Variants in TBCK observed in about 807,000 individuals in gnomAD.
TBCK encodes TBC1 domain containing kinase.
A neutral mutation model predicts 113.4 loss-of-function variants in TBCK; 99 were observed. The ratio of observed to expected loss-of-function variants is 0.87; its 90% CI spans 0.74 to 1.03. The LOEUF (loss-of-function observed/expected upper bound fraction) is 1.03. TBCK is among the 50% of genes least tolerant of loss of function. The pLI is 0.00. For missense variants in TBCK, 1,045 were observed against 1,061.3 expected (o/e 0.98, Z 0.21); for synonymous variants, 369 against 370.8 (o/e 1.00, Z 0.05).
At chr4:106,052,119 T>G (rs1734877516) in intron 25 of TBCK, among the ~76,000 whole-genome samples, 1 of 151,872 alleles carries the variant, frequency 6.6e-6, no homozygotes, top group South Asian at 2.1e-4. Flanking sequence ...TTAATAGCAT[T>G]ATATAAGGTA....
chr4:106,162,064 G>C (rs889905974), intron 23 of TBCK, among the ~76,000 whole-genome samples: 6 of 152,002 alleles, frequency 3.9e-5, no homozygotes, highest in African/African-American at 1.2e-4. Flanking sequence ...AAAATCAAAA[G>C]CAAGTTAGTT....
chr4:106,299,424 C>A (rs1766683295), intron 2 of TBCK, among the ~76,000 whole-genome samples: 1 of 152,134 alleles, frequency 6.6e-6, no homozygotes, highest in African/African-American at 2.4e-5. Flanking sequence ...ATTCATAATT[C>A]TTCATATCTA....
intron 19 of TBCK, among the ~76,000 whole-genome samples, chr4:106,226,320 G>T (rs1268432345): frequency 2.6e-5 from 4 of 152,144 alleles, no homozygotes; most frequent in African/African-American, 9.7e-5. Flanking sequence ...TTTTGTAACA[G>T]GCATCTAGAA....
Position 106,247,127 on chromosome 4 carries a change from A to G in TBCK, c.931+12T>C, listed in dbSNP as rs777108694. 2 of 1,603,918 alleles carry G rather than the reference A, an allele frequency of 1.2e-6. No individual in the cohort carries two copies. The highest frequency in any genetic ancestry group is 2.7e-5 in the African/African-American group (2 of 74,258). On this transcript the variant is annotated intron_variant, in intron 10 of 25. Transcript: ENST00000394708. Reference sequence around the variant, plus strand: ...GGCTCATATTATTCTCTATGCTTTAATTTATCATTACCTTTACACAACTGA... The same window carrying G: ...GGCTCATATTATTCTCTATGCTTTAGTTTATCATTACCTTTACACAACTGA...
chr4:106,229,731 T>C (rs888126194), intron 19 of TBCK, among the ~76,000 whole-genome samples: 1 of 151,478 alleles, frequency 6.6e-6, no homozygotes, highest in Non-Finnish European at 1.5e-5. Context: ...TCTGGGTCTT[T>C]TGTGGGTCCA....
intron 23 of TBCK, among the ~76,000 whole-genome samples, chr4:106,166,892 T>C (rs1169992944): frequency 6.6e-6 from 1 of 151,338 alleles, no homozygotes; most frequent in Non-Finnish European, 1.5e-5. Flanking sequence ...ACAGAAAAGA[T>C]GGTACAATAA....
chr4:106,299,928 CTG>C (rs1313165205), intron 2 of TBCK, among the ~76,000 whole-genome samples: 3 of 152,192 alleles, frequency 2.0e-5, no homozygotes, highest in African/African-American at 7.2e-5. Flanking sequence ...CTAGCCTGAA[CTG>C]TGTGTTTTAG....
At chr4:106,247,446 T>G (rs1047325072) in intron 9 of TBCK, 159 bp from the exon 10 acceptor site, 4 of 597,742 alleles carry the variant, frequency 6.7e-6, no homozygotes, top group Non-Finnish European at 2.8e-6. Context: ...TACTTTTATA[T>G]TATAATCAAA....
chr4:106,190,824 T>C (rs1753578827), intron 22 of TBCK, among the ~76,000 whole-genome samples: 1 of 152,040 alleles, frequency 6.6e-6, no homozygotes, highest in African/African-American at 2.4e-5. Context: ...CACTGCAAGC[T>C]CCGCCTCCTG....
intron 7 of TBCK, among the ~76,000 whole-genome samples, chr4:106,249,542 C>T (rs1761202086): frequency 6.6e-6 from 1 of 152,082 alleles, no homozygotes; most frequent in Non-Finnish European, 1.5e-5. Context: ...GTAAACAGCG[C>T]TTTTTAAGAA....
At chr4:106,113,070 C>T (rs1244172259) in intron 24 of TBCK, among the ~76,000 whole-genome samples, 2 of 152,230 alleles carry the variant, frequency 1.3e-5, no homozygotes, top group African/African-American at 2.4e-5. Flanking sequence ...TCTCAATTAG[C>T]GCTCATGCCT....
At position 106,295,358 on chromosome 4, in the gene TBCK, T is replaced by G. The variant is rs189073130; in HGVS notation, c.194-192A>C. Among the ~76,000 whole-genome samples the G allele has an allele frequency of 2.5e-3, 382 of 152,320 alleles. 2 individuals are homozygous for G. The highest frequency in any genetic ancestry group is 8.7e-3 in the African/African-American group (361 of 41,566). On this transcript the variant is annotated intron_variant, in intron 2 of 25. Coordinates refer to ENST00000394708, the MANE Select transcript of TBCK (RefSeq NM_001163435.3). ...AAACATCTAATAAAACAATAACTATTTTTTTCTCTTGTATTTTTCTTCCTC... is the reference window on the plus strand; with the variant it reads ...AAACATCTAATAAAACAATAACTATGTTTTTCTCTTGTATTTTTCTTCCTC...
chr4:106,278,598 G>A (rs1388411294), intron 3 of TBCK, among the ~76,000 whole-genome samples: 1 of 144,130 alleles, frequency 6.9e-6, no homozygotes, highest in African/African-American at 2.5e-5. Flanking sequence ...TTCATGAAAT[G>A]GCAAATACAT....
At chr4:106,123,342 A>G (rs1245984163) in intron 23 of TBCK, among the ~76,000 whole-genome samples, 1 of 152,222 alleles carries the variant, frequency 6.6e-6, no homozygotes, top group Non-Finnish European at 1.5e-5. Flanking sequence ...TTCAAGGAGA[A>G]CTACAAATCA....
intron 6 of TBCK, 100 bp downstream of exon 6, chr4:106,251,766 T>C (rs987456473): frequency 4.5e-6 from 5 of 1,100,450 alleles, no homozygotes; most frequent in African/African-American, 1.6e-5. Flanking sequence ...GTAATTAATT[T>C]GTACAGCAAA....
At chr4:106,179,029 G>C (rs1752018292) in intron 22 of TBCK, among the ~76,000 whole-genome samples, 1 of 151,858 alleles carries the variant, frequency 6.6e-6, no homozygotes, top group Non-Finnish European at 1.5e-5. Context: ...GTGTATAGTT[G>C]TTCATAATAG....
At chr4:106,260,828 A>C (rs988054142) in intron 4 of TBCK, among the ~76,000 whole-genome samples, 4 of 152,012 alleles carry the variant, frequency 2.6e-5, no homozygotes, top group African/African-American at 9.7e-5. Context: ...AGGCAAAAAC[A>C]TTCTCATCTG....
At chr4:106,299,764 T>C (rs902518258) in intron 2 of TBCK, among the ~76,000 whole-genome samples, 2 of 152,232 alleles carry the variant, frequency 1.3e-5, no homozygotes, top group East Asian at 1.9e-4. Flanking sequence ...TTAGGAATCA[T>C]AATGTGCCAA....
At chr4:106,068,902 G>T (rs1213692055) in intron 25 of TBCK, among the ~76,000 whole-genome samples, 1 of 152,206 alleles carries the variant, frequency 6.6e-6, no homozygotes, top group Non-Finnish European at 1.5e-5. Context: ...CAGTGATCAT[G>T]AGCATTTTTT....
Sources: gnomAD v4.1 joint callset for allele counts (sites outside exome capture counted in the v4.1 genomes callset) on GRCh38, gnomAD v4.1.1 for gene constraint, MANE v1.5 for transcripts, NCBI Gene and HGNC (gene_info 2026-07-23, HGNC 2026-07-21) for gene names.